The following RBMS2 variants were observed in gnomAD, a reference collection of about 807,000 sequenced individuals.
The protein encoded by RBMS2 is RNA-binding motif, single-stranded-interacting protein 2.
A neutral mutation model predicts 58.4 loss-of-function variants in RBMS2; 38 were observed. That is an observed-to-expected ratio of 0.65 (90% CI 0.50 to 0.85). The LOEUF is 0.85. Ranked by LOEUF, RBMS2 falls within the 40% of genes least tolerant of loss-of-function variation. RBMS2 has a pLI of 0.00. For synonymous variants in RBMS2, 151 were observed against 180.7 expected (o/e 0.84, Z 1.32); for missense variants, 367 against 503.7 (o/e 0.73, Z 2.60).
At chr12:56,573,086 CTG>C in intron 5 of RBMS2, 1 of 943,016 alleles carries the variant, frequency 1.1e-6, no homozygotes, top group Non-Finnish European at 1.3e-6. Context: ...TTCAAAATGA[CTG>C]GACTAAGTGA....
rs1025728794 is a variant in RBMS2 at position 56,591,668 on chromosome 12, G to A, written c.*2535G>A. ...TGATAGACCGGGGGAGCTTTGCTAT[G>A]GTAGGAGGTTTAGGAAGGGCCTTTC... On this transcript the variant is annotated 3_prime_UTR_variant, in exon 14 of 14. Coordinates refer to ENST00000262031, the MANE Select transcript of RBMS2 (RefSeq NM_002898.4). 4 of 152,072 alleles carry A rather than the reference G, an allele frequency of 2.6e-5. No individual in the cohort carries two copies. The highest frequency in any genetic ancestry group is 2.0e-4 in the Admixed American group (3 of 15,268). 9.4% of individuals were successfully genotyped at this position (152,072 alleles called of 1,614,324 possible). A position where few individuals can be genotyped will look rare whatever the true frequency, so the allele number is the denominator to read the frequency against.
intron 12 of RBMS2, 145 bp downstream of exon 12, chr12:56,588,519 T>C (rs1450967794): frequency 1.3e-6 from 1 of 747,844 alleles, no homozygotes; most frequent in Non-Finnish European, 2.2e-6. Flanking sequence ...AGGAAGGATG[T>C]GCTCGCTTCG....
At chr12:56,564,448 A>G (rs958074362) in intron 2 of RBMS2, among the ~76,000 whole-genome samples, 1 of 152,174 alleles carries the variant, frequency 6.6e-6, no homozygotes, top group East Asian at 1.9e-4. Context: ...AACTAACTGT[A>G]GCCTCCAGGG....
In RBMS2 at chr12:56,581,391, C is replaced by T; in HGVS notation, c.623-8C>T. The T allele has an allele frequency of 6.2e-7, 1 of 1,614,008 alleles. No individual in the cohort carries two copies. Among genetic ancestry groups the T allele is most frequent in the Non-Finnish European group, 8.5e-7 (1 of 1,179,888 alleles). Reference sequence around the variant, plus strand: ...ACTCAGCTGCCCATCTGCCTTCTCTCTCGGCAGCCCCATCCGATCCCTTGC... The same window carrying T: ...ACTCAGCTGCCCATCTGCCTTCTCTTTCGGCAGCCCCATCCGATCCCTTGC... On this transcript the variant is annotated splice_region_variant and splice_polypyrimidine_tract_variant and intron_variant, in intron 6 of 13. Coordinates refer to ENST00000262031, the MANE Select transcript of RBMS2 (RefSeq NM_002898.4).
chr12:56,555,972 G>A (rs1417627768), intron 1 of RBMS2, among the ~76,000 whole-genome samples: 1 of 151,826 alleles, frequency 6.6e-6, no homozygotes, highest in Non-Finnish European at 1.5e-5. Context: ...CTTGAGCCCA[G>A]GAGTTTGAGA....
At chr12:56,558,875 C>T (rs1879823813) in intron 1 of RBMS2, among the ~76,000 whole-genome samples, 1 of 151,992 alleles carries the variant, frequency 6.6e-6, no homozygotes, top group Non-Finnish European at 1.5e-5. Context: ...GCTGGGATTA[C>T]AGGCTTAAGC....
At chr12:56,523,909 T>C (rs1872193549) in intron 1 of RBMS2, among the ~76,000 whole-genome samples, 1 of 152,204 alleles carries the variant, frequency 6.6e-6, no homozygotes, top group South Asian at 2.1e-4. Flanking sequence ...ATTTCACATG[T>C]CTTTATTCTT....
intron 9 of RBMS2, among the ~76,000 whole-genome samples, chr12:56,586,481 T>A (rs905676077): frequency 6.6e-6 from 1 of 152,158 alleles, no homozygotes; most frequent in African/African-American, 2.4e-5. Flanking sequence ...CCATTGTGGT[T>A]TTGATTTGCA....
chr12:56,568,866 G>C, intron 2 of RBMS2, 109 bp from the exon 3 acceptor site: 2 of 944,850 alleles, frequency 2.1e-6, no homozygotes, highest in Non-Finnish European at 3.2e-6. Context: ...GTTTGAGTAG[G>C]AAAAGTTAGA....
intron 1 of RBMS2, among the ~76,000 whole-genome samples, chr12:56,534,192 AT>A (rs35699151): frequency 0.45 from 68,254 of 151,860 alleles, 16,196 homozygotes; most frequent in East Asian, 0.6. Context: ...TGGTTTATCC[AT>A]TTTTTCATGC....
chr12:56,533,026 C>A (rs11614642), intron 1 of RBMS2, among the ~76,000 whole-genome samples: 68,096 of 151,690 alleles, frequency 0.45, 16,139 homozygotes, highest in East Asian at 0.6. Flanking sequence ...CCTCGACCTC[C>A]CTGGCTCAAG....
At chr12:56,583,047 T>C (rs1295228738) in intron 9 of RBMS2, among the ~76,000 whole-genome samples, 2 of 152,222 alleles carry the variant, frequency 1.3e-5, no homozygotes, top group African/African-American at 4.8e-5. Context: ...GGTTGCATTA[T>C]ATTTCATGCT....
chr12:56,570,079 C>A, intron 4 of RBMS2, 89 bp downstream of exon 4: 1 of 1,247,604 alleles, frequency 8.0e-7, no homozygotes, highest in Non-Finnish European at 1.2e-6. Flanking sequence ...GGCTTAAGAA[C>A]CATGAAATTG....
Position 56,589,161 on chromosome 12 carries a change from T to C in RBMS2, c.*28T>C, listed in dbSNP as rs1231172407. On this transcript the variant is annotated 3_prime_UTR_variant, in exon 14 of 14. Transcript: ENST00000262031. ...TTAGGATTCCCCTCCCCATCTTTAC[T>C]GAATAGAAATGAATTCTTGGAGATA... 1.9e-6 allele frequency: 3 copies of C among 1,542,590 alleles called. No homozygotes were observed. The highest frequency in any genetic ancestry group is 1.4e-5 in the African/African-American group (1 of 72,952).
chr12:56,587,063 C>T, intron 10 of RBMS2, 137 bp downstream of exon 10: 3 of 849,754 alleles, frequency 3.5e-6, no homozygotes, highest in South Asian at 3.0e-5. Context: ...GTCAGGAGTT[C>T]GAGACCAGCC....
intron 1 of RBMS2, among the ~76,000 whole-genome samples, chr12:56,536,600 C>T (rs1262356944): frequency 6.7e-6 from 1 of 150,164 alleles, no homozygotes; most frequent in Non-Finnish European, 1.5e-5. Flanking sequence ...TGGAGTCTCA[C>T]TCTGTCTCCC....
In RBMS2 at chr12:56,571,742, A is replaced by G. The variant is rs1217409409; in HGVS notation, c.429A>G (p.Pro143=). The change falls in exon 5 of 14, where the codon CCA becomes CCG. Residue 143 remains proline, a synonymous_variant. Coordinates refer to ENST00000262031, the MANE Select transcript of RBMS2 (RefSeq NM_002898.4). ...CAAATTTATACATCTCAAACCTCCC[A>G]CTGTCAATGGATGAGCAGGAACTGG... is the stretch of plus-strand genomic sequence containing the variant. ...DPTNLYISNL[P]LSMDEQELEG... 2 of 1,591,318 alleles carry G rather than the reference A, an allele frequency of 1.3e-6. No homozygotes were observed. The highest frequency in any genetic ancestry group is 2.3e-5 in the South Asian group (2 of 88,230).
intron 9 of RBMS2, among the ~76,000 whole-genome samples, chr12:56,585,157 GTC>G (rs1260274211): frequency 1.3e-5 from 2 of 151,944 alleles, no homozygotes; most frequent in Admixed American, 6.6e-5. Flanking sequence ...AGTATTCTCT[GTC>G]TCTATACTGT....
chr12:56,583,251 G>C (rs1483608590), intron 9 of RBMS2, among the ~76,000 whole-genome samples: 1 of 152,214 alleles, frequency 6.6e-6, no homozygotes, highest in Non-Finnish European at 1.5e-5. Flanking sequence ...CAGTTTTATA[G>C]ATGTTGCCAG....
Sources: allele counts gnomAD v4.1 joint callset (sites outside exome capture counted in the v4.1 genomes callset), GRCh38; gene constraint gnomAD v4.1.1; transcripts MANE v1.5; gene names NCBI Gene and HGNC (gene_info 2026-07-23, HGNC 2026-07-21).